HMCN2: variants seen among roughly 807,000 people sequenced by gnomAD.
HMCN2 encodes hemicentin-2.
A neutral mutation model predicts 377.5 loss-of-function variants in HMCN2; 325 were observed. The ratio of observed to expected loss-of-function variants is 0.86; its 90% CI spans 0.79 to 0.94. The LOEUF is 0.94. HMCN2 is among the 40% of genes least tolerant of loss of function. The probability of loss-of-function intolerance (pLI) is 0.00; values close to 1 mark genes in which losing one functional copy is unlikely to be tolerated. For synonymous variants in HMCN2, 2,007 were observed against 2,046.8 expected, an observed-to-expected ratio of 0.98 and a Z score of 0.53; for missense variants, 4,543 against 4,725.3, an observed-to-expected ratio of 0.96 and a Z score of 1.13.
rs144895123 is a variant in HMCN2 at position 130,283,682 on chromosome 9, T to G, written c.260-921T>G. 2.7e-3 allele frequency among the ~76,000 whole-genome samples: 417 copies of G among 152,310 alleles called. 3 individuals carry two copies. Among genetic ancestry groups the G allele is most frequent in the African/African-American group, 9.1e-3 (380 of 41,566 alleles). ...ACTTACTATAAATGGAACCATACTG[T>G]GTGTGCTGTTTTGCGTCTGGCTTCT... On this transcript the variant is annotated intron_variant, in intron 1 of 97. Coordinates refer to ENST00000683500, the MANE Select transcript of HMCN2 (RefSeq NM_001291815.2).
At chr9:130,400,747 C>T (rs994779510) in intron 76 of HMCN2, 36 bp from the exon 77 acceptor site, 7 of 1,259,338 alleles carry the variant, frequency 5.6e-6, no homozygotes, top group African/African-American at 1.5e-5. Flanking sequence ...GCCCTGTGCC[C>T]GCCGGCAGGG....
Position 130,399,718 on chromosome 9 carries a change from T to C in HMCN2, c.11605+86T>C, listed in dbSNP as rs545172411. 4 of 1,022,780 alleles carry C rather than the reference T, an allele frequency of 3.9e-6. No homozygotes were observed. In the East Asian group the frequency reaches 2.5e-4, roughly 65 times the overall value. 63.4% of individuals were successfully genotyped at this position (1,022,780 alleles called of 1,614,324 possible). On this transcript the variant is annotated intron_variant, in intron 76 of 97. Coordinates refer to ENST00000683500, the MANE Select transcript of HMCN2 (RefSeq NM_001291815.2). Reference sequence around the variant, plus strand: ...GGGTGCTCTCCCTGCCAGCAGGGAATTGTGTGGCTTTTTCCTGTGCTGCAC... The same window carrying C: ...GGGTGCTCTCCCTGCCAGCAGGGAACTGTGTGGCTTTTTCCTGTGCTGCAC...
chr9:130,432,656 T>C (rs1844832721), intron 97 of HMCN2, 101 bp downstream of exon 97: 1 of 1,302,322 alleles, frequency 7.7e-7, no homozygotes, highest in Non-Finnish European at 1.1e-6. Context: ...CCCACACAAG[T>C]GATGCAGGCA....
rs1564850855 is a variant in HMCN2, at chr9:130,394,645, A to AC, written c.10692+73dup. On this transcript the variant is annotated intron_variant, in intron 69 of 97. Transcript: ENST00000683500. The surrounding 1 kb of genome is among the most constrained non-coding windows in gnomAD (Gnocchi z 5.1). ...AGGGGAGGGACTGCAGGTTCCCCAG[A>AC]CCCAGTGGGCAGTTGACAAAGTTGG... 1.7e-6 allele frequency: 2 copies of AC among 1,164,220 alleles called. No homozygotes were observed. The highest frequency in any genetic ancestry group is 1.6e-5 in the African/African-American group (1 of 62,820). 72.1% of individuals were successfully genotyped at this position (1,164,220 alleles called of 1,614,324 possible). A position where few individuals can be genotyped will look rare whatever the true frequency, so the allele number is the denominator to read the frequency against.
chr9:130,397,189 A>G (rs146222307), intron 73 of HMCN2, among the ~76,000 whole-genome samples: 73 of 152,354 alleles, frequency 4.8e-4, no homozygotes, highest in East Asian at 9.6e-4. Context: ...GAAAGGAGGA[A>G]CAAGTTACAT....
chr9:130,391,501 C>T lies in HMCN2; in HGVS notation c.9879C>T (p.Asp3293=), dbSNP rs1472626864. ...TGCTAAAAGGCCTGAGGGCCTCGGA[C>T]GCGGGTGCCTACACCTGCGTGGCCC... is the stretch of plus-strand genomic sequence containing the variant. ...SLVLKGLRAS[D]AGAYTCVAHN... is the part of the protein sequence containing the mutation. Residue 3293 remains aspartate, a synonymous_variant, in exon 65 of 98, where the codon GAC becomes GAT. Transcript: ENST00000683500. The T allele has an allele frequency of 5.1e-6, 5 of 987,808 alleles. No individual in the cohort carries two copies. The highest frequency in any genetic ancestry group is 4.7e-5 in the South Asian group (1 of 21,382). 61.2% of individuals were successfully genotyped at this position (987,808 alleles called of 1,614,324 possible).
At chr9:130,286,146 C>T (rs1313825121) in intron 3 of HMCN2, 42 bp from the exon 4 acceptor site, 10 of 468,294 alleles carry the variant, frequency 2.1e-5, no homozygotes, top group East Asian at 7.0e-5. Flanking sequence ...CTGAAGCAGC[C>T]GGCCAGGGAA....
At chr9:130,302,040 C>G (rs1340735201) in intron 8 of HMCN2, among the ~76,000 whole-genome samples, 1 of 135,208 alleles carries the variant, frequency 7.4e-6, no homozygotes, top group Non-Finnish European at 1.5e-5. Flanking sequence ...TACCCATCCT[C>G]TAGCTGTGCT....
chr9:130,277,259 C>T (rs1554923452), intron 1 of HMCN2, among the ~76,000 whole-genome samples: 1 of 152,226 alleles, frequency 6.6e-6, no homozygotes, highest in African/African-American at 2.4e-5. Flanking sequence ...TTGAGTGGAG[C>T]CAAGGTCACG....
rs546104864 is a variant in HMCN2 at position 130,308,005 on chromosome 9, G to T, written c.2200+439G>T. Among the ~76,000 whole-genome samples the T allele has an allele frequency of 6.6e-6, 1 of 152,262 alleles. No individual in the cohort carries two copies. Among genetic ancestry groups the T allele is most frequent in the East Asian group, 1.9e-4 (1 of 5,184 alleles). ...AGAGTCTCACTTTGTCACCCAGGCTGGTGTGCAGTGGTGTAATCTCGGCTC... is the reference window on the plus strand; with the variant it reads ...AGAGTCTCACTTTGTCACCCAGGCTTGTGTGCAGTGGTGTAATCTCGGCTC... On this transcript the variant is annotated intron_variant, in intron 14 of 97. Coordinates refer to ENST00000683500, the MANE Select transcript of HMCN2 (RefSeq NM_001291815.2). The surrounding 1 kb of genome is among the most constrained non-coding windows in gnomAD (Gnocchi z 4.1).
intron 25 of HMCN2, among the ~76,000 whole-genome samples, chr9:130,346,431 A>G (rs1274719244): frequency 6.7e-6 from 1 of 149,972 alleles, no homozygotes; most frequent in African/African-American, 2.5e-5. Flanking sequence ...GGCGTGTCCT[A>G]GAGATCAAGG....
intron 47 of HMCN2, among the ~76,000 whole-genome samples, chr9:130,372,743 A>G (rs1209333878): frequency 6.6e-6 from 1 of 152,232 alleles, no homozygotes; most frequent in Non-Finnish European, 1.5e-5. Context: ...TCAGGCCACC[A>G]TGGAACTTTC....
intron 46 of HMCN2, among the ~76,000 whole-genome samples, chr9:130,371,657 G>A (rs931825352): frequency 6.6e-6 from 1 of 152,208 alleles, no homozygotes. Context: ...GTTGTTCCAC[G>A]CAGCCCATGA....
rs1057377086 is a variant in HMCN2, at chr9:130,340,957, C to T, written c.3488-154C>T. On this transcript the variant is annotated intron_variant, in intron 23 of 97. Transcript: ENST00000683500. ...AGCTCACTCACTTTGGGGGAGTCCA[C>T]GTGAGGTGTCCCAACGTCTTTTCCT... Among the ~76,000 whole-genome samples the T allele has an allele frequency of 1.9e-3, 296 of 152,326 alleles. 3 individuals are homozygous for T. The highest frequency in any genetic ancestry group is 6.7e-3 in the African/African-American group (278 of 41,578).
Position 130,369,301 on chromosome 9 carries a change from GTC to G in HMCN2, c.6788-265_6788-264del, listed in dbSNP as rs1840882940. On this transcript the variant is annotated intron_variant, in intron 44 of 97. Coordinates refer to ENST00000683500, the MANE Select transcript of HMCN2 (RefSeq NM_001291815.2). The surrounding 1 kb of genome is among the most constrained non-coding windows in gnomAD (Gnocchi z 4.5). ...CCAACAACTGTTGAAACTCCAGGAA[GTC>G]TCTGGTTTTTGAGGAAGAAAACCCA... Among the ~76,000 whole-genome samples, 1 of 152,216 alleles carries G rather than the reference GTC, an allele frequency of 6.6e-6. No individual in the cohort carries two copies.
At chr9:130,300,942 C>T (rs1417614470) in intron 8 of HMCN2, among the ~76,000 whole-genome samples, 1 of 152,244 alleles carries the variant, frequency 6.6e-6, no homozygotes, top group African/African-American at 2.4e-5. Context: ...TGTCTCCCTC[C>T]CCTGGAGGTG....
In HMCN2 at chr9:130,309,228, TG is replaced by T. The variant is rs575202948; in HGVS notation, c.2201-678del. The stretch of plus-strand genomic sequence containing the variant: ...AAGTCAGGCAAGAAAAATGGCGGGC[TG>T]GGGGGCAGGCGTGGTGACTCACGCC... On this transcript the variant is annotated intron_variant, in intron 14 of 97. Transcript: ENST00000683500. Among the ~76,000 whole-genome samples the T allele has an allele frequency of 3.4e-4, 52 of 152,114 alleles. No individual in the cohort carries two copies. The East Asian group carries it at 9.9e-3, about 29-fold the overall frequency.
At chr9:130,290,266 GGGTC>G in intron 4 of HMCN2, among the ~76,000 whole-genome samples, 1 of 152,324 alleles carries the variant, frequency 6.6e-6, no homozygotes, top group East Asian at 1.9e-4. Flanking sequence ...GTGGGCAAGA[GGGTC>G]AGCCCCCCAA....
intron 15 of HMCN2, among the ~76,000 whole-genome samples, chr9:130,315,440 G>A (rs970012864): frequency 3.1e-5 from 4 of 128,584 alleles, no homozygotes; most frequent in Admixed American, 2.4e-4. Flanking sequence ...CAAGCTTGGA[G>A]GGATGGCCCT....
Sources: allele counts gnomAD v4.1 joint callset (sites outside exome capture counted in the v4.1 genomes callset), GRCh38; gene constraint gnomAD v4.1.1; non-coding constraint Gnocchi (gnomAD v3.1); transcripts MANE v1.5; gene names NCBI Gene and HGNC (gene_info 2026-07-23, HGNC 2026-07-21).